MKI67: variants seen among roughly 807,000 people sequenced by gnomAD.
The protein encoded by MKI67 is proliferation marker protein Ki-67.
In MKI67, 152 loss-of-function variants were observed where a neutral mutation model predicts 233.5. That is an observed-to-expected ratio of 0.65 (90% CI 0.57 to 0.74). MKI67 has a LOEUF of 0.74. MKI67 is among the 30% of genes least tolerant of loss of function. MKI67 has a pLI of 0.00. For synonymous variants in MKI67, 1,465 were observed against 1,418.5 expected (o/e 1.03, Z -0.74); for missense variants, 3,940 against 3,885.2 (o/e 1.01, Z -0.37).
chr10:128,115,204 G>A lies in MKI67; in HGVS notation c.1204C>T (p.Pro402Ser). 6.2e-7 allele frequency: 1 copy of A among 1,614,230 alleles called. No individual in the cohort carries two copies. The highest frequency in any genetic ancestry group is 8.5e-7 in the Non-Finnish European group (1 of 1,180,038). Residue 402 changes from proline to serine, a missense_variant, in exon 7 of 15, where the codon CCA becomes TCA. Coordinates refer to ENST00000368654, the MANE Select transcript of MKI67 (RefSeq NM_002417.5). Reference protein sequence around the residue: ...PRKLSTRNRTPAKVEDAADSA... With the variant: ...PRKLSTRNRTSAKVEDAADSA... ...TCAGCTGCATCTTCAACTTTAGCTGGTGTTCGATTTCTAGTTGAAAGCTTC... is the reference window on the plus strand; with the variant it reads ...TCAGCTGCATCTTCAACTTTAGCTGATGTTCGATTTCTAGTTGAAAGCTTC...
rs538026733 is a variant in MKI67, at chr10:128,097,977, C to G, written c.*1213G>C. 6.6e-6 allele frequency: 1 copy of G among 152,362 alleles called. No individual in the cohort carries two copies. Among genetic ancestry groups the G allele is most frequent in the Non-Finnish European group, 1.5e-5 (1 of 68,080 alleles). 9.4% of individuals were successfully genotyped at this position (152,362 alleles called of 1,614,324 possible). ...AAACAAACGTGGAGACAGGGCACTG[C>G]CCGCACAGGGCACATTTTGGGGGAC... On this transcript the variant is annotated 3_prime_UTR_variant, in exon 15 of 15. Transcript: ENST00000368654.
chr10:128,107,914 A>T lies in MKI67; in HGVS notation c.3926T>A (p.Ile1309Asn). Residue 1309 changes from isoleucine (I) to asparagine (N), a missense_variant, in exon 13 of 15, where the codon ATC becomes AAC. By Grantham distance (149) the Ile-to-Asn change is moderately radical. Transcript: ENST00000368654. ...CACTGGAGTTCCCACAAATATGATG[A>T]TGTCTTTCTCTTCACCTACTGATGG... ...PKPSVGEEKD[I>N]IIFVGTPVQK... is the part of the protein sequence containing the mutation. The T allele has an allele frequency of 6.2e-7, 1 of 1,613,066 alleles. No individual in the cohort carries two copies. Among genetic ancestry groups the T allele is most frequent in the Non-Finnish European group, 8.5e-7 (1 of 1,179,886 alleles).
chr10:128,104,027 T>C lies in MKI67; in HGVS notation c.7813A>G (p.Lys2605Glu), dbSNP rs372387786. The change falls in exon 13 of 15, where the codon AAG becomes GAG. Residue 2605 changes from lysine (K) to glutamate (E), a missense_variant. Physicochemically the swap from Lys to Glu is moderately conservative, Grantham distance 56 (BLOSUM62 1). Transcript: ENST00000368654. ...TTTACTTCTTTCCTGGGACGTGTCT[T>C]GGGGCATCTCTTTGTGCTCGTGGCA... ...DTATSTKRCP[K>E]TRPRKEVKEE... The C allele has an allele frequency of 6.2e-7, 1 of 1,613,966 alleles. No homozygotes were observed. Among genetic ancestry groups the C allele is most frequent in the African/African-American group, 1.3e-5 (1 of 74,912 alleles).
chr10:128,111,656 T>C lies in MKI67; in HGVS notation c.2249A>G (p.Glu750Gly), dbSNP rs751200480. 19 of 1,612,310 alleles carry C rather than the reference T, an allele frequency of 1.2e-5. No individual in the cohort carries two copies. The highest frequency in any genetic ancestry group is 1.6e-5 in the Non-Finnish European group (19 of 1,179,574). Reference protein sequence around the residue: ...FISNQKMDFKEDLSGIAEMFK... With the variant: ...FISNQKMDFKGDLSGIAEMFK... ...GACTACGTTTTTACCTGAAAGATCT[T>C]CCTTAAAGTCCATTTTTTGGTTGGA... Residue 750 changes from glutamate (E) to glycine (G), a missense_variant, in exon 11 of 15, where the codon GAA becomes GGA. By Grantham distance (98) the Glu-to-Gly change is moderately conservative. Coordinates refer to ENST00000368654, the MANE Select transcript of MKI67 (RefSeq NM_002417.5).
At chr10:128,119,712 T>C (rs1852891850) in intron 4 of MKI67, among the ~76,000 whole-genome samples, 1 of 152,236 alleles carries the variant, frequency 6.6e-6, no homozygotes, top group African/African-American at 2.4e-5. Flanking sequence ...AGGAAGCCTG[T>C]AGGTAACTGA....
At chr10:128,119,094 G>A (rs755396745) in intron 5 of MKI67, among the ~76,000 whole-genome samples, 159 bp downstream of exon 5, 3 of 152,132 alleles carry the variant, frequency 2.0e-5, no homozygotes, top group Non-Finnish European at 2.9e-5. Context: ...ATTTTAATAC[G>A]TCTAAGTTCA....
rs569209013 is a variant in MKI67, at chr10:128,119,376, G to T, written c.288-57C>A. On this transcript the variant is annotated intron_variant, in intron 4 of 14. Transcript: ENST00000368654. ...TAAAAATTTATACCCTGGGGCGGAAGTCTCCATATCCACTTAATGTCCAAG... is the reference window on the plus strand; with the variant it reads ...TAAAAATTTATACCCTGGGGCGGAATTCTCCATATCCACTTAATGTCCAAG... 19 of 1,213,234 alleles carry T rather than the reference G, an allele frequency of 1.6e-5. 1 individual carries two copies. The South Asian group carries it at 2.3e-4, about 15-fold the overall frequency. The allele number at this position is 1,213,234 out of a possible 1,614,324, so 75.2% of individuals were successfully genotyped here.
Position 128,102,588 on chromosome 10 carries a change from AG to A in MKI67, c.9251del (p.Pro3084LeufsTer22). ...TAATACTTCCTCTCACCTTATTTTC[AG>A]GGACCGAGTCTTGTAATTTGTGTTC... ...KEEHKLQDSV[P>X]ENKGISLRSR... On this transcript the variant is annotated frameshift_variant, in exon 13 of 15. Coordinates refer to ENST00000368654, the MANE Select transcript of MKI67 (RefSeq NM_002417.5). LOFTEE classifies it high-confidence loss of function. 1.2e-6 allele frequency: 2 copies of A among 1,612,844 alleles called. No individual in the cohort carries two copies. The highest frequency in any genetic ancestry group is 8.5e-7 in the Non-Finnish European group (1 of 1,179,110).
chr10:128,117,196 T>C (rs1254945436), intron 5 of MKI67, among the ~76,000 whole-genome samples: 4 of 151,590 alleles, frequency 2.6e-5, no homozygotes, highest in Non-Finnish European at 5.9e-5. Context: ...TCACCTATAC[T>C]GAAGATCTGT....
chr10:128,105,509 T>C lies in MKI67; in HGVS notation c.6331A>G (p.Met2111Val). The change falls in exon 13 of 15, where the codon ATG becomes GTG. Residue 2111 changes from methionine (M) to valine (V), a missense_variant. Transcript: ENST00000368654. ...IACKSPPPES[M>V]DTPTSTRRRP... ...CTCCTTGTGCTTGTTGGAGTGTCCA[T>C]TGATTCTGGTGGTGGAGATTTGCAG... is the stretch of plus-strand genomic sequence containing the variant. The C allele has an allele frequency of 2.5e-6, 4 of 1,613,730 alleles. No homozygotes were observed. The highest frequency in any genetic ancestry group is 3.4e-6 in the Non-Finnish European group (4 of 1,179,930).
Position 128,122,862 on chromosome 10 carries a change from C to A in MKI67, c.287+19G>T, listed in dbSNP as rs372588192. ...TCAGAAGATGACATTTACTGTTAGA[C>A]CAATCAGCTTTTACCTACCTGAAGG... On this transcript the variant is annotated intron_variant, in intron 4 of 14. Coordinates refer to ENST00000368654, the MANE Select transcript of MKI67 (RefSeq NM_002417.5). 7.9e-6 allele frequency: 10 copies of A among 1,262,672 alleles called. No individual in the cohort carries two copies. The African/African-American group carries it at 1.2e-4, about 15-fold the overall frequency. The allele number at this position is 1,262,672 out of a possible 1,614,324, so 78.2% of individuals were successfully genotyped here.
chr10:128,125,897 GC>G lies in MKI67; in HGVS notation c.-89-142del. The G allele has an allele frequency of 3.6e-6, 2 of 549,164 alleles. No homozygotes were observed. Among genetic ancestry groups the G allele is most frequent in the South Asian group, 4.1e-5 (2 of 48,442 alleles). 34.0% of individuals were successfully genotyped at this position (549,164 alleles called of 1,614,324 possible). On this transcript the variant is annotated intron_variant, in intron 1 of 14. Coordinates refer to ENST00000368654, the MANE Select transcript of MKI67 (RefSeq NM_002417.5). This position sits in a 1 kb window ranked among gnomAD's most constrained non-coding sequence, Gnocchi z 5.3. ...GGACGATCCGACCGCAGCCCCCGGC[GC>G]CCCAAAGTCCGGCAGCTGGGGTGTT...
rs372328060 is a variant in MKI67, at chr10:128,103,194, C to G, written c.8646G>C (p.Thr2882=). The change falls in exon 13 of 15, where the codon ACG becomes ACC. Residue 2882 remains threonine, a synonymous_variant. Coordinates refer to ENST00000368654, the MANE Select transcript of MKI67 (RefSeq NM_002417.5). ...GCTTTGCAGGTTGCTTAAATGCTTT[C>G]GTGCCTTTGCCCTCACCTACCGGCT... ...DKEPVGEGKG[T]KAFKQPAKRK... The G allele has an allele frequency of 6.2e-7, 1 of 1,612,992 alleles. No individual in the cohort carries two copies.
In MKI67 at chr10:128,106,002, T is replaced by C; in HGVS notation, c.5838A>G (p.Glu1946=). The C allele has an allele frequency of 6.2e-7, 1 of 1,614,216 alleles. No individual in the cohort carries two copies. Among genetic ancestry groups the C allele is most frequent in the African/African-American group, 1.3e-5 (1 of 75,046 alleles). Residue 1946 remains glutamate (E), a synonymous_variant, in exon 13 of 15, where the codon GAA becomes GAG. Coordinates refer to ENST00000368654, the MANE Select transcript of MKI67 (RefSeq NM_002417.5). ...CCAGATCTTCTAGAGCCTTGGCCTT[T>C]TCTTTAGGAGTTTGTGGCCGTCTCT... ...GSKRRPQTPK[E]KAKALEDLAG...
Position 128,107,988 on chromosome 10 carries a change from C to T in MKI67, c.3852G>A (p.Ala1284=), listed in dbSNP as rs141076241. 8.9e-5 allele frequency: 144 copies of T among 1,611,952 alleles called. No homozygotes were observed. The highest frequency in any genetic ancestry group is 8.3e-4 in the Middle Eastern group (5 of 6,036). The change falls in exon 13 of 15, where the codon GCG becomes GCA. Residue 1284 remains alanine (A), a synonymous_variant. Transcript: ENST00000368654. ...CTGCTGATGGCATTAGATTCCTGCA[C>T]GCTAAGAGTTCTCCCTCTACATCTG... ...RKADVEGELL[A]CRNLMPSAGK...
Position 128,105,623 on chromosome 10 carries a change from G to C in MKI67, c.6217C>G (p.Leu2073Val). The change falls in exon 13 of 15, where the codon CTA becomes GTA. Residue 2073 changes from leucine (L) to valine (V), a missense_variant. Transcript: ENST00000368654. Reference sequence around the variant, plus strand: ...TCTTTGAAGCCGGCCAGGTCTTCTAGTGATTGGGCCTCTTCCTTAGGTGTT... The same window carrying C: ...TCTTTGAAGCCGGCCAGGTCTTCTACTGATTGGGCCTCTTCCTTAGGTGTT... ...PRTPKEEAQSLEDLAGFKELF... is the reference protein window; with the variant it reads ...PRTPKEEAQSVEDLAGFKELF... The C allele has an allele frequency of 6.2e-7, 1 of 1,613,956 alleles. No homozygotes were observed. The highest frequency in any genetic ancestry group is 8.5e-7 in the Non-Finnish European group (1 of 1,180,002).
Position 128,103,870 on chromosome 10 carries a change from A to C in MKI67, c.7970T>G (p.Val2657Gly), listed in dbSNP as rs1487801069. Reference sequence around the variant, plus strand: ...CCTTCTCCTGCTGGGTTCCTCTTCTACTGGGTTTGGTTTCTTCTTTGCACG... The same window carrying C: ...CCTTCTCCTGCTGGGTTCCTCTTCTCCTGGGTTTGGTTTCTTCTTTGCACG... ...KQRAKKKPNPVEEEPSRRRPR... is the reference protein window; with the variant it reads ...KQRAKKKPNPGEEEPSRRRPR... Residue 2657 changes from valine to glycine, a missense_variant, in exon 13 of 15, where the codon GTA becomes GGA. Val to Gly is a moderately radical substitution (Grantham distance 109). Coordinates refer to ENST00000368654, the MANE Select transcript of MKI67 (RefSeq NM_002417.5). 2 of 1,613,112 alleles carry C rather than the reference A, an allele frequency of 1.2e-6. No homozygotes were observed. Among genetic ancestry groups the C allele is most frequent in the Non-Finnish European group, 1.7e-6 (2 of 1,179,874 alleles).
Position 128,108,947 on chromosome 10 carries a change from T to G in MKI67, c.2893A>C (p.Thr965Pro). 1.9e-6 allele frequency: 3 copies of G among 1,614,258 alleles called. No homozygotes were observed. The highest frequency in any genetic ancestry group is 2.5e-6 in the Non-Finnish European group (3 of 1,180,050). The change falls in exon 13 of 15, where the codon ACA becomes CCA. Residue 965 changes from threonine (T) to proline (P), a missense_variant. Coordinates refer to ENST00000368654, the MANE Select transcript of MKI67 (RefSeq NM_002417.5). ...GTATCAGGCAAGCTCTTGAGGTCTG[T>G]CAGGTCAGACATTGGTGCACATTTC... ...GQKCAPMSDL[T>P]DLKSLPDTEL...
At position 128,108,647 on chromosome 10, in the gene MKI67, T is replaced by C; in HGVS notation, c.3193A>G (p.Ile1065Val). The C allele has an allele frequency of 6.2e-7, 1 of 1,614,180 alleles. No individual in the cohort carries two copies. The highest frequency in any genetic ancestry group is 8.5e-7 in the Non-Finnish European group (1 of 1,180,026). Reference protein sequence around the residue: ...HREPAGDGKSIRTFKESPKQI... With the variant: ...HREPAGDGKSVRTFKESPKQI... ...TTTGGAGACTCCTTAAACGTTCTGA[T>C]GCTCTTGCCATCTCCTGCTGGCTCT... Residue 1065 changes from isoleucine (I) to valine (V), a missense_variant, in exon 13 of 15, where the codon ATC (isoleucine) becomes GTC (valine). Coordinates refer to ENST00000368654, the MANE Select transcript of MKI67 (RefSeq NM_002417.5).
Sources: allele counts gnomAD v4.1 joint callset (sites outside exome capture counted in the v4.1 genomes callset), GRCh38; gene constraint gnomAD v4.1.1; non-coding constraint Gnocchi (gnomAD v3.1); transcripts MANE v1.5; gene names NCBI Gene and HGNC (gene_info 2026-07-23, HGNC 2026-07-21).